Variants in KCNH1 observed in about 807,000 individuals in gnomAD.
The protein encoded by KCNH1 is potassium voltage-gated channel subfamily H member 1.
KCNH1 carries 27 observed loss-of-function variants against 69.2 expected under a neutral mutation model. That is an observed-to-expected ratio of 0.39 (90% CI 0.29 to 0.54). KCNH1 has a LOEUF of 0.54. Ranked by LOEUF, KCNH1 falls within the 20% of genes least tolerant of loss-of-function variation. The pLI, the probability that KCNH1 is intolerant of heterozygous loss-of-function variation, is 0.68. For synonymous variants in KCNH1, 456 were observed against 487.7 expected, an observed-to-expected ratio of 0.93 and a Z score of 0.86; for missense variants, 798 against 1,261.6, an observed-to-expected ratio of 0.63 and a Z score of 5.57.
At chr1:210,811,994 T>A (rs1198139020) in intron 7 of KCNH1, among the ~76,000 whole-genome samples, 2 of 152,154 alleles carry the variant, frequency 1.3e-5, no homozygotes, top group African/African-American at 4.8e-5. Context: ...ATTTGGTAGG[T>A]CATGAGTGGG....
chr1:211,039,557 C>T (rs754675480), intron 5 of KCNH1, among the ~76,000 whole-genome samples: 1 of 152,190 alleles, frequency 6.6e-6, no homozygotes, highest in Non-Finnish European at 1.5e-5. Flanking sequence ...GGAGGCTGTA[C>T]CCTGCAAAGT....
At chr1:210,806,852 T>TAC (rs1684590676) in intron 7 of KCNH1, among the ~76,000 whole-genome samples, 1 of 121,310 alleles carries the variant, frequency 8.2e-6, no homozygotes, top group Non-Finnish European at 1.7e-5. Context: ...TATATATATA[T>TAC]ATAAATTTGC....
chr1:210,910,127 T>C (rs1238576408), intron 7 of KCNH1, among the ~76,000 whole-genome samples: 1 of 148,592 alleles, frequency 6.7e-6, no homozygotes, highest in Non-Finnish European at 1.5e-5. Flanking sequence ...TGCAAAATGT[T>C]GCAATCCCTG....
intron 6 of KCNH1, among the ~76,000 whole-genome samples, chr1:210,998,096 T>C (rs1689089307): frequency 6.6e-6 from 1 of 152,210 alleles, no homozygotes; most frequent in African/African-American, 2.4e-5. Context: ...AGGAAGAAAC[T>C]GCATCAACTA....
At chr1:211,101,409 T>A (rs1691255174) in intron 3 of KCNH1, among the ~76,000 whole-genome samples, 1 of 152,170 alleles carries the variant, frequency 6.6e-6, no homozygotes, top group Admixed American at 6.5e-5. Context: ...AGGGTGGGAT[T>A]TGGAGGTAGT....
intron 9 of KCNH1, among the ~76,000 whole-genome samples, chr1:210,785,650 A>C (rs1684085616): frequency 2.0e-5 from 3 of 151,322 alleles, no homozygotes; most frequent in Admixed American, 2.0e-4. Context: ...TTGCATTCCT[A>C]CTCTTAAGGA....
intron 6 of KCNH1, among the ~76,000 whole-genome samples, chr1:210,967,334 C>T (rs1043873754): frequency 2.6e-5 from 4 of 151,536 alleles, no homozygotes; most frequent in African/African-American, 9.7e-5. Context: ...AAGTAAAATA[C>T]AATCAAATTG....
chr1:210,977,914 C>T (rs1688643487), intron 6 of KCNH1, among the ~76,000 whole-genome samples: 1 of 152,186 alleles, frequency 6.6e-6, no homozygotes, highest in South Asian at 2.1e-4. Context: ...GTGTTCAGAA[C>T]ATTCAAAATC....
At chr1:210,806,836 A>AAATATATATATATATATATATATATAT (rs1553346591) in intron 7 of KCNH1, among the ~76,000 whole-genome samples, 2 of 85,634 alleles carry the variant, frequency 2.3e-5, no homozygotes, top group Non-Finnish European at 4.3e-5. Flanking sequence ...AAAAAAAAAA[A>AAATATATATATATATATATATATATAT]ATATATATAT....
chr1:210,999,203 C>A (rs1019396994), intron 6 of KCNH1, among the ~76,000 whole-genome samples: 1 of 152,028 alleles, frequency 6.6e-6, no homozygotes, highest in African/African-American at 2.4e-5. Context: ...AAAAACCCTT[C>A]AAAAAATCAA....
At chr1:210,953,518 A>G (rs769446630) in intron 6 of KCNH1, among the ~76,000 whole-genome samples, 4 of 152,030 alleles carry the variant, frequency 2.6e-5, no homozygotes, top group Non-Finnish European at 5.9e-5. Context: ...GGCAATCTGG[A>G]TCTCTCCCTT....
intron 10 of KCNH1, among the ~76,000 whole-genome samples, chr1:210,709,552 G>A (rs1351505250): frequency 1.3e-5 from 2 of 152,174 alleles, no homozygotes; most frequent in Non-Finnish European, 2.9e-5. Context: ...ACAGACTTAA[G>A]ACAGACAATG....
intron 7 of KCNH1, among the ~76,000 whole-genome samples, chr1:210,870,201 G>A (rs1686209226): frequency 6.6e-6 from 1 of 152,020 alleles, no homozygotes; most frequent in African/African-American, 2.4e-5. Context: ...TACAGTAAGA[G>A]AATAAGTCCA....
chr1:210,754,525 G>T (rs528822776), intron 10 of KCNH1, among the ~76,000 whole-genome samples: 2 of 150,766 alleles, frequency 1.3e-5, no homozygotes, highest in South Asian at 4.2e-4. Flanking sequence ...TGGGTCACGG[G>T]GGTGGATCCC....
intron 10 of KCNH1, among the ~76,000 whole-genome samples, chr1:210,696,658 A>C (rs1244352338): frequency 1.3e-5 from 2 of 152,184 alleles, no homozygotes; most frequent in Non-Finnish European, 2.9e-5. Context: ...GGCACTGGCT[A>C]ATGTCACCCT....
At chr1:210,991,886 A>G (rs1688945460) in intron 6 of KCNH1, among the ~76,000 whole-genome samples, 1 of 152,218 alleles carries the variant, frequency 6.6e-6, no homozygotes, top group African/African-American at 2.4e-5. Context: ...ATCTCTCCTG[A>G]GATTGGGGCC....
At chr1:210,971,081 A>G (rs1198338638) in intron 6 of KCNH1, among the ~76,000 whole-genome samples, 2 of 152,080 alleles carry the variant, frequency 1.3e-5, no homozygotes, top group Non-Finnish European at 2.9e-5. Context: ...GCAAATCAAA[A>G]CCACAGTGAG....
chr1:210,876,877 T>A (rs1686387132), intron 7 of KCNH1, among the ~76,000 whole-genome samples: 1 of 152,104 alleles, frequency 6.6e-6, no homozygotes, highest in Non-Finnish European at 1.5e-5. Context: ...AATGCAGGCA[T>A]AATTTGTTCT....
chr1:210,984,465 T>G (rs899329761), intron 6 of KCNH1, among the ~76,000 whole-genome samples: 9 of 152,226 alleles, frequency 5.9e-5, no homozygotes, highest in Non-Finnish European at 1.2e-4. Flanking sequence ...CCTAATTTAT[T>G]GAGAGATTTT....
Sources: allele counts gnomAD v4.1 joint callset (sites outside exome capture counted in the v4.1 genomes callset), GRCh38; gene constraint gnomAD v4.1.1; transcripts MANE v1.5; gene names NCBI Gene and HGNC (gene_info 2026-07-23, HGNC 2026-07-21).